The following GJB7 variants were observed in gnomAD, a reference collection of about 807,000 sequenced individuals.
GJB7 encodes the protein gap junction beta-7 protein.
For missense variants in GJB7, 253 were observed against 256.8 expected, an observed-to-expected ratio of 0.99 and a Z score of 0.10; for synonymous variants, 87 against 95.2, an observed-to-expected ratio of 0.91 and a Z score of 0.50.
At chr6:87,289,988 T>A (rs191872818) in intron 2 of GJB7, among the ~76,000 whole-genome samples, 2 of 152,300 alleles carry the variant, frequency 1.3e-5, no homozygotes, top group Non-Finnish European at 2.9e-5. Context: ...CCAGCGACAC[T>A]CCCTGAAAAA....
Position 87,284,640 on chromosome 6 carries a change from C to T in GJB7, c.273G>A (p.Val91=). The change falls in exon 3 of 3, where the codon GTG becomes GTA. Residue 91 remains valine (V), a synonymous_variant. Transcript: ENST00000525899. The part of the protein sequence containing the change: ...LIMVSTPSLL[V]VLHVAYHEGR... ...CCTCATGATAGGCTACATGTAAAAC[C>T]ACCAGAAGTGAAGGTGTGGAGACCA... The T allele has an allele frequency of 1.9e-6, 3 of 1,614,112 alleles. No homozygotes were observed. The highest frequency in any genetic ancestry group is 1.3e-5 in the African/African-American group (1 of 75,012).
At chr6:87,305,725 C>A (rs1776416290) in intron 2 of GJB7, among the ~76,000 whole-genome samples, 1 of 152,184 alleles carries the variant, frequency 6.6e-6, no homozygotes, top group African/African-American at 2.4e-5. Context: ...CCAAGTCAAT[C>A]CTAAGCCAAA....
chr6:87,324,361 T>C (rs1344082512), intron 1 of GJB7, among the ~76,000 whole-genome samples: 1 of 152,166 alleles, frequency 6.6e-6, no homozygotes, highest in East Asian at 1.9e-4. Flanking sequence ...ATGTCCTGAA[T>C]GGTAATGCTT....
chr6:87,309,435 T>C (rs574146433), intron 2 of GJB7, among the ~76,000 whole-genome samples: 1 of 152,264 alleles, frequency 6.6e-6, no homozygotes, highest in South Asian at 2.1e-4. Flanking sequence ...GCATCACACA[T>C]GGAGACAACG....
rs916674291 is a variant in GJB7, at chr6:87,322,006, A to G, written c.-28+860T>C. On this transcript the variant is annotated intron_variant, in intron 2 of 2. Transcript: ENST00000525899. ...CAACACAAGGGGGCTATTATTCCATATGAGATTTGGGTGGGGACACAGAGC... is the reference window on the plus strand; with the variant it reads ...CAACACAAGGGGGCTATTATTCCATGTGAGATTTGGGTGGGGACACAGAGC... Among the ~76,000 whole-genome samples the G allele has an allele frequency of 2.0e-5, 3 of 152,216 alleles. No homozygotes were observed. The East Asian group carries it at 5.8e-4, about 29-fold the overall frequency.
intron 2 of GJB7, among the ~76,000 whole-genome samples, chr6:87,320,435 C>T (rs1459343115): frequency 6.6e-6 from 1 of 152,032 alleles, no homozygotes; most frequent in African/African-American, 2.4e-5. Context: ...CCTTCTATTC[C>T]AACTATTCTG....
chr6:87,294,068 T>C (rs375033635), intron 2 of GJB7, among the ~76,000 whole-genome samples: 1 of 152,162 alleles, frequency 6.6e-6, no homozygotes, highest in East Asian at 1.9e-4. Context: ...GAGAAACAAA[T>C]ATAATAATGA....
intron 2 of GJB7, among the ~76,000 whole-genome samples, chr6:87,313,221 C>T (rs1260711587): frequency 6.6e-6 from 1 of 152,014 alleles, no homozygotes; most frequent in Non-Finnish European, 1.5e-5. Flanking sequence ...TATCAAGGAA[C>T]AGGAGAAGAA....
intron 2 of GJB7, among the ~76,000 whole-genome samples, chr6:87,297,691 T>C (rs544762532): frequency 1.4e-4 from 21 of 152,118 alleles, no homozygotes; most frequent in Admixed American, 6.5e-4. Context: ...CCTTAAGGAA[T>C]TTAGTCTAGT....
intron 2 of GJB7, chr6:87,300,077 G>A: frequency 6.2e-6 from 2 of 325,002 alleles, no homozygotes; most frequent in East Asian, 5.9e-5. Context: ...CTGGGAGGGG[G>A]TTGTGCCTTG....
chr6:87,327,160 T>A (rs1776844727), intron 1 of GJB7, among the ~76,000 whole-genome samples: 1 of 150,910 alleles, frequency 6.6e-6, no homozygotes, highest in African/African-American at 2.5e-5. Flanking sequence ...CCTATGTGTG[T>A]CTCTGCACGT....
At chr6:87,317,583 C>T (rs1341535037) in intron 2 of GJB7, among the ~76,000 whole-genome samples, 1 of 152,084 alleles carries the variant, frequency 6.6e-6, no homozygotes, top group Non-Finnish European at 1.5e-5. Flanking sequence ...GCACGCGCCA[C>T]CATGCCCAGT....
At chr6:87,328,396 G>A (rs1374360378) in intron 1 of GJB7, among the ~76,000 whole-genome samples, 1 of 151,958 alleles carries the variant, frequency 6.6e-6, no homozygotes, top group East Asian at 1.9e-4. Context: ...TCTACTTTTT[G>A]TCTTTGTTGA....
intron 1 of GJB7, among the ~76,000 whole-genome samples, chr6:87,327,211 C>G (rs1776846699): frequency 1.4e-5 from 2 of 148,038 alleles, no homozygotes. Context: ...TGGGTCTTGA[C>G]TCTTTATCCA....
chr6:87,322,430 CAAG>C (rs1292339586), intron 2 of GJB7: 2 of 152,258 alleles, frequency 1.3e-5, no homozygotes, highest in African/African-American at 4.8e-5. Flanking sequence ...CCGCAGACCC[CAAG>C]GAGGGGCGCG....
chr6:87,309,886 G>C (rs1776491671), intron 2 of GJB7, among the ~76,000 whole-genome samples: 1 of 152,160 alleles, frequency 6.6e-6, no homozygotes, highest in South Asian at 2.1e-4. Context: ...GGGGTTGTCT[G>C]TGCTATGAGC....
At chr6:87,286,083 C>T (rs1250769092) in intron 2 of GJB7, among the ~76,000 whole-genome samples, 1 of 152,152 alleles carries the variant, frequency 6.6e-6, no homozygotes, top group Non-Finnish European at 1.5e-5. Flanking sequence ...CTTAAGAATT[C>T]TGTCCTTTGC....
intron 1 of GJB7, 121 bp downstream of exon 1, chr6:87,329,017 A>C (rs147011459): frequency 0.037 from 5,710 of 153,144 alleles, 373 homozygotes; most frequent in African/African-American, 0.13. Context: ...CCGATTTTCC[A>C]TGTGCCGTCT....
At chr6:87,301,781 G>T (rs927207814) in intron 2 of GJB7, among the ~76,000 whole-genome samples, 2 of 152,250 alleles carry the variant, frequency 1.3e-5, no homozygotes, top group Non-Finnish European at 2.9e-5. Flanking sequence ...GCATCCCCCA[G>T]TAGGGGCAGA....
Sources: allele counts gnomAD v4.1 joint callset (sites outside exome capture counted in the v4.1 genomes callset), GRCh38; gene constraint gnomAD v4.1.1; transcripts MANE v1.5; gene names NCBI Gene and HGNC (gene_info 2026-07-23, HGNC 2026-07-21).